The following ADAMTS20 variants were observed in gnomAD, a reference collection of about 807,000 sequenced individuals.
ADAMTS20 encodes ADAM metallopeptidase with thrombospondin type 1 motif 20, also known as A disintegrin and metalloproteinase with thrombospondin motifs 20.
ADAMTS20 carries 225 observed loss-of-function variants against 260.1 expected under a neutral mutation model. The observed-to-expected ratio is 0.87, with a 90% CI of 0.78 to 0.97. The LOEUF (loss-of-function observed/expected upper bound fraction) is 0.97, where lower values mean the gene tolerates loss of function less well. ADAMTS20 is among the 50% of genes least tolerant of loss of function. ADAMTS20 has a pLI of 0.00. For synonymous variants in ADAMTS20, 802 were observed against 769.5 expected, an observed-to-expected ratio of 1.04 and a Z score of -0.70; for missense variants, 2,400 against 2,337.7, an observed-to-expected ratio of 1.03 and a Z score of -0.55.
chr12:43,441,730 T>C (rs899906220), intron 16 of ADAMTS20, among the ~76,000 whole-genome samples: 1 of 152,218 alleles, frequency 6.6e-6, no homozygotes, highest in Non-Finnish European at 1.5e-5. Context: ...TACTTTTCAA[T>C]GGAATAATAA....
intron 28 of ADAMTS20, chr12:43,423,715 T>C (rs1400063559): frequency 2.8e-6 from 2 of 702,054 alleles, no homozygotes; most frequent in Non-Finnish European, 5.2e-6. Context: ...TCTTATAGTA[T>C]TTCAAATCTC....
At chr12:43,425,794 AT>A in intron 27 of ADAMTS20, 104 bp from the exon 28 acceptor site, 1 of 766,600 alleles carries the variant, frequency 1.3e-6, no homozygotes, top group Non-Finnish European at 1.9e-6. Flanking sequence ...TATTCTAGTA[AT>A]TTTAACATAA....
Position 43,476,925 on chromosome 12 carries a change from G to A in ADAMTS20, c.1118-8220C>T, listed in dbSNP as rs570069536. Among the ~76,000 whole-genome samples, 702 of 148,210 alleles carry A rather than the reference G, an allele frequency of 4.7e-3. 1 individual carries two copies. Among genetic ancestry groups the A allele is most frequent in the Non-Finnish European group, 5.8e-3 (391 of 67,396 alleles). On this transcript the variant is annotated intron_variant, in intron 7 of 38. Coordinates refer to ENST00000389420, the MANE Select transcript of ADAMTS20 (RefSeq NM_025003.5). ...ACGAGTTAGTGGGTGCAGCACACCAGCATGGCACATGTATACATATGTAAC... is the reference window on the plus strand; with the variant it reads ...ACGAGTTAGTGGGTGCAGCACACCAACATGGCACATGTATACATATGTAAC...
intron 3 of ADAMTS20, among the ~76,000 whole-genome samples, chr12:43,508,650 T>C (rs1221178481): frequency 6.6e-6 from 1 of 152,192 alleles, no homozygotes; most frequent in African/African-American, 2.4e-5. Flanking sequence ...CAGGTATATA[T>C]ATTTATGGGG....
rs1448151963 is a variant in ADAMTS20, at chr12:43,502,413, GA to G, written c.614-9del. The G allele has an allele frequency of 1.5e-5, 23 of 1,565,130 alleles. No homozygotes were observed. The highest frequency in any genetic ancestry group is 2.0e-5 in the Non-Finnish European group (23 of 1,166,328). ...TTTCCTTTATTTGACTTTCTAGGGA[GA>G]AAAAAAGAATATAATGCAGAGCCAT... On this transcript the variant is annotated splice_polypyrimidine_tract_variant and intron_variant, in intron 3 of 38. Coordinates refer to ENST00000389420, the MANE Select transcript of ADAMTS20 (RefSeq NM_025003.5).
chr12:43,359,640 G>GTCT (rs1192065874), intron 37 of ADAMTS20, among the ~76,000 whole-genome samples: 1 of 152,104 alleles, frequency 6.6e-6, no homozygotes, highest in Non-Finnish European at 1.5e-5. Context: ...TGTTGGTGAA[G>GTCT]ACAGAGACAT....
intron 9 of ADAMTS20, among the ~76,000 whole-genome samples, chr12:43,465,799 T>A (rs1424756082): frequency 6.6e-6 from 1 of 152,048 alleles, no homozygotes; most frequent in Non-Finnish European, 1.5e-5. Flanking sequence ...TAAGTCAAGC[T>A]CCTATAGAAG....
intron 11 of ADAMTS20, among the ~76,000 whole-genome samples, chr12:43,459,233 G>A (rs933353151): frequency 1.4e-4 from 22 of 152,202 alleles, no homozygotes; most frequent in African/African-American, 5.3e-4. Flanking sequence ...GGATCCAACA[G>A]GGTGTCTGCT....
At chr12:43,393,195 C>T (rs548847080) in intron 29 of ADAMTS20, among the ~76,000 whole-genome samples, 6 of 152,100 alleles carry the variant, frequency 3.9e-5, no homozygotes, top group South Asian at 2.1e-4. Flanking sequence ...TCTCAAGGTA[C>T]ATTATAACTC....
At position 43,405,229 on chromosome 12, in the gene ADAMTS20, CAAAAAAAAAAAAAAAAA is replaced by C. The variant is rs869040570; in HGVS notation, c.4285-6013_4285-5997del. 5.4e-3 allele frequency among the ~76,000 whole-genome samples: 287 copies of C among 52,806 alleles called. 5 individuals are homozygous for C. Among genetic ancestry groups the C allele is most frequent in the Admixed American group, 0.019 (68 of 3,496 alleles). The allele number at this position is 52,806 out of a possible 152,430, so 34.6% of individuals were successfully genotyped here. A position where few individuals can be genotyped will look rare whatever the true frequency, so the allele number is the denominator to read the frequency against. The stretch of plus-strand genomic sequence containing the variant: ...GTAACAAAATGAGACCTCATCTCTA[CAAAAAAAAAAAAAAAAA>C]AAAAAAAAAAAAAAAATTAGCCAGG... On this transcript the variant is annotated intron_variant, in intron 28 of 38. Transcript: ENST00000389420.
In ADAMTS20 at chr12:43,428,246, C is replaced by T. The variant is rs777038719; in HGVS notation, c.3940G>A (p.Gly1314Arg). ...RGNQWRTGPW[G>R]SCSSSCSGGL... The stretch of plus-strand genomic sequence containing the variant: ...ACTCAATAAAGATGGCTTACTGATC[C>T]CCATGGTCCGGTTCTCCACTGGTTT... The change falls in exon 26 of 39, where the codon GGA becomes AGA. Residue 1314 changes from glycine to arginine, a missense_variant. Coordinates refer to ENST00000389420, the MANE Select transcript of ADAMTS20 (RefSeq NM_025003.5). The T allele has an allele frequency of 9.3e-6, 15 of 1,613,030 alleles. No homozygotes were observed. Among genetic ancestry groups the T allele is most frequent in the Non-Finnish European group, 1.3e-5 (15 of 1,179,416 alleles).
chr12:43,503,383 G>A (rs2137450043), intron 3 of ADAMTS20, among the ~76,000 whole-genome samples: 1 of 152,020 alleles, frequency 6.6e-6, no homozygotes, highest in South Asian at 2.1e-4. Flanking sequence ...AGACATGGCT[G>A]TATTATAAGA....
chr12:43,491,608 A>G (rs1942600871), intron 6 of ADAMTS20, among the ~76,000 whole-genome samples: 1 of 152,212 alleles, frequency 6.6e-6, no homozygotes, highest in Non-Finnish European at 1.5e-5. Context: ...AACAATGTAT[A>G]GCATTGCTTG....
chr12:43,446,944 G>GA (rs1941773774), intron 14 of ADAMTS20, among the ~76,000 whole-genome samples: 1 of 152,048 alleles, frequency 6.6e-6, no homozygotes, highest in South Asian at 2.1e-4. Context: ...GAAGGTGGAA[G>GA]AAAGAGAATC....
chr12:43,505,155 A>G (rs1942823768), intron 3 of ADAMTS20, among the ~76,000 whole-genome samples: 1 of 152,224 alleles, frequency 6.6e-6, no homozygotes, highest in Non-Finnish European at 1.5e-5. Context: ...AATGAGTTAC[A>G]AATCTAAAAG....
chr12:43,428,442 A>G lies in ADAMTS20; in HGVS notation c.3744T>C (p.Pro1248=). 1 of 1,614,004 alleles carries G rather than the reference A, an allele frequency of 6.2e-7. No individual in the cohort carries two copies. Among genetic ancestry groups the G allele is most frequent in the South Asian group, 1.1e-5 (1 of 91,086 alleles). ...CCTGTTCCATCAAAGGGCGAACTTC[A>G]GGATCACAGTAATTCTCATCAATTG... ...HQPIDENYCD[P]EVRPLMEQEC... The change falls in exon 26 of 39, where the codon CCT becomes CCC. Residue 1248 remains proline, a synonymous_variant. Coordinates refer to ENST00000389420, the MANE Select transcript of ADAMTS20 (RefSeq NM_025003.5).
chr12:43,399,782 A>T (rs1431813790), intron 28 of ADAMTS20, among the ~76,000 whole-genome samples: 1 of 152,088 alleles, frequency 6.6e-6, no homozygotes, highest in African/African-American at 2.4e-5. Flanking sequence ...TTTCTCTACC[A>T]TCGGCCTTCT....
At chr12:43,427,003 T>A (rs779398266) in intron 27 of ADAMTS20, among the ~76,000 whole-genome samples, 2 of 151,968 alleles carry the variant, frequency 1.3e-5, no homozygotes, top group African/African-American at 2.4e-5. Flanking sequence ...GAAATTCCCA[T>A]CTTTATTAAA....
At chr12:43,432,164 A>T in intron 21 of ADAMTS20, 140 bp downstream of exon 21, 1 of 1,002,560 alleles carries the variant, frequency 1.0e-6, no homozygotes, top group Non-Finnish European at 1.4e-6. Context: ...CTGTCTTATA[A>T]ATTTCTGACA....
Sources: gnomAD v4.1 joint callset for allele counts (sites outside exome capture counted in the v4.1 genomes callset) on GRCh38, gnomAD v4.1.1 for gene constraint, MANE v1.5 for transcripts, NCBI Gene and HGNC (gene_info 2026-07-23, HGNC 2026-07-21) for gene names.